Variants in UNC5C observed in about 807,000 individuals in gnomAD.
The protein encoded by UNC5C is netrin receptor UNC5C.
Under a neutral mutation model 99.8 loss-of-function variants are expected in UNC5C, and 47 were observed. The observed-to-expected ratio is 0.47, with a 90% confidence interval of 0.37 to 0.60. The LOEUF is 0.60. Ranked by LOEUF, UNC5C falls within the 20% of genes least tolerant of loss-of-function variation. The pLI, the probability that UNC5C is intolerant of heterozygous loss-of-function variation, is 0.00. For synonymous variants in UNC5C, 487 were observed against 452.2 expected, an observed-to-expected ratio of 1.08 and a Z score of -0.98; for missense variants, 1,062 against 1,165.9, an observed-to-expected ratio of 0.91 and a Z score of 1.30.
rs563416618 is a variant in UNC5C at position 95,230,257 on chromosome 4, T to A, written c.1109-10081A>T. Among the ~76,000 whole-genome samples, 16 of 152,302 alleles carry A rather than the reference T, an allele frequency of 1.1e-4. No individual in the cohort carries two copies. In the South Asian group the frequency reaches 3.3e-3, roughly 32 times the overall value. On this transcript the variant is annotated intron_variant, in intron 7 of 15. Coordinates refer to ENST00000453304, the MANE Select transcript of UNC5C (RefSeq NM_003728.4). ...CATAAATGTCTTCTTTTGAGAAATG[T>A]CTGTTCTTATTGTTTGCCCACTTTT...
chr4:95,517,660 T>A (rs1722251199), intron 1 of UNC5C, among the ~76,000 whole-genome samples: 1 of 152,138 alleles, frequency 6.6e-6, no homozygotes, highest in Non-Finnish European at 1.5e-5. Flanking sequence ...GAAAATATTT[T>A]ATGGCCATGA....
chr4:95,338,563 A>G (rs1743434855), intron 1 of UNC5C, among the ~76,000 whole-genome samples: 1 of 152,166 alleles, frequency 6.6e-6, no homozygotes, highest in East Asian at 1.9e-4. Flanking sequence ...CAGTTTTGCA[A>G]TTGGTTTTAT....
At chr4:95,441,004 A>G (rs1355802761) in intron 1 of UNC5C, among the ~76,000 whole-genome samples, 2 of 152,138 alleles carry the variant, frequency 1.3e-5, no homozygotes, top group Non-Finnish European at 2.9e-5. Context: ...TATAAGCCAC[A>G]TTCAATTTTA....
chr4:95,341,330 A>G (rs1417016378), intron 1 of UNC5C, among the ~76,000 whole-genome samples: 1 of 152,142 alleles, frequency 6.6e-6, no homozygotes, highest in East Asian at 1.9e-4. Flanking sequence ...GAAACATCCA[A>G]GCAAAAGTAC....
chr4:95,173,761 C>G lies in UNC5C; in HGVS notation c.2452-3429G>C, dbSNP rs181791107. On this transcript the variant is annotated intron_variant, in intron 14 of 15. Coordinates refer to ENST00000453304, the MANE Select transcript of UNC5C (RefSeq NM_003728.4). ...CAGGATGATGCTAGCCTCATAAAAT[C>G]AGTTAGGGAGGATTCCCTCTTTTTC... is the stretch of plus-strand genomic sequence containing the variant. Among the ~76,000 whole-genome samples the G allele has an allele frequency of 2.8e-3, 426 of 152,218 alleles. 2 individuals are homozygous for G. The highest frequency in any genetic ancestry group is 0.01 in the Middle Eastern group (3 of 294).
intron 1 of UNC5C, among the ~76,000 whole-genome samples, chr4:95,490,227 A>G (rs1344996364): frequency 6.6e-6 from 1 of 151,722 alleles, no homozygotes; most frequent in Non-Finnish European, 1.5e-5. Flanking sequence ...GCCAAAATCA[A>G]ATATAGCAAG....
chr4:95,354,479 A>ATATATATATTTT, intron 1 of UNC5C, among the ~76,000 whole-genome samples: 2 of 110,352 alleles, frequency 1.8e-5, no homozygotes, highest in African/African-American at 8.1e-5. Flanking sequence ...ATATATATAT[A>ATATATATATTTT]TTTTTTTTTT....
intron 2 of UNC5C, among the ~76,000 whole-genome samples, chr4:95,322,667 G>T (rs371096083): frequency 6.6e-6 from 1 of 151,902 alleles, no homozygotes; most frequent in Admixed American, 6.6e-5. Context: ...GGCCAGGCAC[G>T]GTGGCTCACA....
intron 4 of UNC5C, among the ~76,000 whole-genome samples, chr4:95,258,746 CTTTTTTTTTTTT>C (rs775570031): frequency 1.8e-4 from 14 of 76,054 alleles, no homozygotes; most frequent in Non-Finnish European, 3.3e-4. Context: ...CCATCTTATT[CTTTTTTTTTTTT>C]TTTTTTTTTT....
At chr4:95,548,418 C>A (rs1369025198) in intron 1 of UNC5C, among the ~76,000 whole-genome samples, 1 of 151,894 alleles carries the variant, frequency 6.6e-6, no homozygotes, top group African/African-American at 2.4e-5. Context: ...CAACAACGTG[C>A]GCGTGCGGAG....
At chr4:95,434,671 G>T (rs543109209) in intron 1 of UNC5C, among the ~76,000 whole-genome samples, 1 of 152,192 alleles carries the variant, frequency 6.6e-6, no homozygotes, top group South Asian at 2.1e-4. Context: ...GTGTCAGAGT[G>T]ACTCTCGCTT....
intron 1 of UNC5C, among the ~76,000 whole-genome samples, chr4:95,404,808 C>T (rs1033665470): frequency 1.3e-5 from 2 of 152,170 alleles, no homozygotes; most frequent in Admixed American, 1.3e-4. Context: ...GAACCCCAAA[C>T]TTCGGAGCAG....
intron 1 of UNC5C, among the ~76,000 whole-genome samples, chr4:95,529,701 T>A (rs978676651): frequency 1.3e-5 from 2 of 151,980 alleles, no homozygotes; most frequent in African/African-American, 4.8e-5. Context: ...CATTTCGGCC[T>A]GAGTAACAGA....
At chr4:95,473,151 T>C (rs1748026383) in intron 1 of UNC5C, among the ~76,000 whole-genome samples, 1 of 152,144 alleles carries the variant, frequency 6.6e-6, no homozygotes, top group East Asian at 1.9e-4. Context: ...AACTCTTCTT[T>C]TGTGTTTTGA....
At chr4:95,233,318 A>G (rs1738982158) in intron 7 of UNC5C, among the ~76,000 whole-genome samples, 1 of 152,222 alleles carries the variant, frequency 6.6e-6, no homozygotes, top group African/African-American at 2.4e-5. Context: ...TTAGTAAATT[A>G]CAATTTTAAA....
intron 7 of UNC5C, among the ~76,000 whole-genome samples, chr4:95,234,529 A>G (rs1483662582): frequency 6.6e-6 from 1 of 152,192 alleles, no homozygotes; most frequent in African/African-American, 2.4e-5. Flanking sequence ...CATGTCATTT[A>G]GTGTACCACA....
chr4:95,406,238 T>C (rs1745826128), intron 1 of UNC5C, among the ~76,000 whole-genome samples: 1 of 152,220 alleles, frequency 6.6e-6, no homozygotes, highest in South Asian at 2.1e-4. Context: ...ACCAAATTAC[T>C]GGTCCTGTTT....
intron 1 of UNC5C, among the ~76,000 whole-genome samples, chr4:95,346,789 A>G (rs1743789142): frequency 6.6e-6 from 1 of 152,066 alleles, no homozygotes; most frequent in South Asian, 2.1e-4. Context: ...GTAATATACA[A>G]CAAACCCACA....
At chr4:95,314,786 A>C (rs1025152375) in intron 2 of UNC5C, among the ~76,000 whole-genome samples, 1 of 152,206 alleles carries the variant, frequency 6.6e-6, no homozygotes, top group Admixed American at 6.5e-5. Flanking sequence ...AAAAACATCA[A>C]AACATGATTG....
Sources: gnomAD v4.1 joint callset for allele counts (sites outside exome capture counted in the v4.1 genomes callset) on GRCh38, gnomAD v4.1.1 for gene constraint, MANE v1.5 for transcripts, NCBI Gene and HGNC (gene_info 2026-07-23, HGNC 2026-07-21) for gene names.